Variants in TENM2 observed in about 807,000 individuals in gnomAD.
TENM2 encodes teneurin-2.
TENM2 carries 52 observed loss-of-function variants against 245.2 expected under a neutral mutation model. The observed-to-expected ratio is 0.21, with a 90% CI of 0.17 to 0.27. The LOEUF is 0.27. TENM2 is among the 10% of genes least tolerant of loss of function. The pLI is 1.00. For missense variants in TENM2, 3,046 were observed against 3,666.8 expected (o/e 0.83, Z 4.37); for synonymous variants, 1,363 against 1,438.9 (o/e 0.95, Z 1.19).
intron 5 of TENM2, among the ~76,000 whole-genome samples, chr5:168,011,282 A>G (rs1785200985): frequency 6.6e-6 from 1 of 152,240 alleles, no homozygotes; most frequent in Non-Finnish European, 1.5e-5. Flanking sequence ...CTCTTCTTGC[A>G]TCAGGATTCT....
At chr5:167,793,381 C>T (rs917356626) in intron 2 of TENM2, among the ~76,000 whole-genome samples, 2 of 151,964 alleles carry the variant, frequency 1.3e-5, no homozygotes, top group Non-Finnish European at 2.9e-5. Context: ...TATTATATAG[C>T]CATACCTAGT....
the TENM2 span, among the ~76,000 whole-genome samples, chr5:167,253,000 A>T: frequency 6.6e-6 from 1 of 152,142 alleles, no homozygotes; most frequent in Admixed American, 6.6e-5. Flanking sequence ...CAACATGATG[A>T]ATCCAAAGAC....
intron 1 of TENM2, among the ~76,000 whole-genome samples, chr5:167,351,145 CAT>C (rs1758881928): frequency 7.9e-6 from 1 of 126,772 alleles, no homozygotes; most frequent in East Asian, 2.8e-4. Context: ...GGGATATATA[CAT>C]ATGGATTATA....
the TENM2 span, among the ~76,000 whole-genome samples, chr5:167,177,991 A>T: frequency 6.6e-6 from 1 of 152,228 alleles, no homozygotes; most frequent in Non-Finnish European, 1.5e-5. Flanking sequence ...CAGCATGATC[A>T]TATCCTCAGA....
At chr5:167,869,218 A>G (rs1043588967) in intron 2 of TENM2, among the ~76,000 whole-genome samples, 16 of 152,230 alleles carry the variant, frequency 1.1e-4, no homozygotes, top group African/African-American at 3.9e-4. Flanking sequence ...AGAAATAAAC[A>G]TTTGTAAAAG....
At chr5:168,004,967 C>T (rs899770459) in intron 5 of TENM2, among the ~76,000 whole-genome samples, 1 of 152,108 alleles carries the variant, frequency 6.6e-6, no homozygotes, top group African/African-American at 2.4e-5. Flanking sequence ...CCATCTCCAC[C>T]CTCGCTTCTT....
At chr5:167,197,039 A>G in the TENM2 span, among the ~76,000 whole-genome samples, 1 of 151,980 alleles carries the variant, frequency 6.6e-6, no homozygotes. Context: ...GAATGCCAAG[A>G]TTGTCAGTGA....
At chr5:167,567,077 A>G (rs370472218) in intron 2 of TENM2, among the ~76,000 whole-genome samples, 29 of 152,158 alleles carry the variant, frequency 1.9e-4, no homozygotes, top group African/African-American at 6.8e-4. Context: ...ATTTCAGAAA[A>G]CTATTTATAT....
intron 3 of TENM2, among the ~76,000 whole-genome samples, chr5:167,925,971 G>A (rs1777729216): frequency 6.6e-6 from 1 of 152,172 alleles, no homozygotes; most frequent in South Asian, 2.1e-4. Context: ...AGGGTGGGAG[G>A]AGGGAGAGGA....
intron 2 of TENM2, among the ~76,000 whole-genome samples, chr5:167,564,668 G>A (rs966575975): frequency 6.6e-6 from 1 of 152,176 alleles, no homozygotes; most frequent in Admixed American, 6.5e-5. Context: ...GGACTTGCCT[G>A]TACTCACTTG....
the TENM2 span, among the ~76,000 whole-genome samples, chr5:166,987,744 A>G: frequency 2.0e-5 from 3 of 152,094 alleles, no homozygotes; most frequent in African/African-American, 7.2e-5. Flanking sequence ...AAATGACTCC[A>G]TGCCCCCAAG....
At chr5:167,580,872 C>T (rs1775043519) in intron 2 of TENM2, among the ~76,000 whole-genome samples, 1 of 152,186 alleles carries the variant, frequency 6.6e-6, no homozygotes, top group Admixed American at 6.5e-5. Context: ...GCTTGTAATA[C>T]CAGGTACTCA....
intron 2 of TENM2, among the ~76,000 whole-genome samples, chr5:167,680,323 A>T (rs62723661): frequency 1.3e-5 from 2 of 149,812 alleles, no homozygotes; most frequent in Admixed American, 1.3e-4. Context: ...AAAAAAAAAA[A>T]ATCCCTAAGA....
At chr5:167,665,121 CTG>C (rs948741396) in intron 2 of TENM2, among the ~76,000 whole-genome samples, 1 of 152,206 alleles carries the variant, frequency 6.6e-6, no homozygotes, top group African/African-American at 2.4e-5. Flanking sequence ...TATGTCCTAA[CTG>C]TGTGACCTTG....
intron 2 of TENM2, among the ~76,000 whole-genome samples, chr5:167,765,448 AAGGGG>A (rs1762950956): frequency 1.3e-5 from 2 of 152,162 alleles, no homozygotes; most frequent in South Asian, 4.1e-4. Context: ...CTTCTGAATA[AAGGGG>A]ATGTCAGTGT....
chr5:168,043,856 A>G (rs1562090127), intron 5 of TENM2, among the ~76,000 whole-genome samples: 2 of 152,232 alleles, frequency 1.3e-5, no homozygotes, highest in Non-Finnish European at 2.9e-5. Context: ...GTCATTCACC[A>G]ACCCCAATGA....
At chr5:168,087,971 C>A (rs1792605176) in intron 7 of TENM2, among the ~76,000 whole-genome samples, 1 of 152,142 alleles carries the variant, frequency 6.6e-6, no homozygotes, top group Non-Finnish European at 1.5e-5. Flanking sequence ...CTCTGAGGAG[C>A]CAGCCAAAAT....
chr5:167,887,019 C>T (rs1017956592), intron 3 of TENM2, among the ~76,000 whole-genome samples: 6 of 152,166 alleles, frequency 3.9e-5, no homozygotes, highest in Non-Finnish European at 5.9e-5. Context: ...CTTAGGATGG[C>T]ATGAGAACAG....
intron 3 of TENM2, among the ~76,000 whole-genome samples, chr5:167,889,821 C>T (rs190437611): frequency 2.6e-5 from 4 of 152,052 alleles, no homozygotes; most frequent in African/African-American, 9.7e-5. Context: ...AACCTGCGTG[C>T]CTTCTCGTGA....
Sources: gnomAD v4.1 joint callset for allele counts (sites outside exome capture counted in the v4.1 genomes callset) on GRCh38, gnomAD v4.1.1 for gene constraint, MANE v1.5 for transcripts, NCBI Gene and HGNC (gene_info 2026-07-23, HGNC 2026-07-21) for gene names.